The following YAP1 variants were observed in gnomAD, a reference collection of about 807,000 sequenced individuals.
YAP1 encodes Yes1 associated transcriptional regulator.
In YAP1, 5 loss-of-function variants were observed where a neutral mutation model predicts 56.9. The observed-to-expected ratio is 0.09, with a 90% confidence interval of 0.05 to 0.18. The LOEUF (loss-of-function observed/expected upper bound fraction) is 0.18. Ranked by LOEUF, YAP1 falls within the 10% of genes least tolerant of loss-of-function variation. YAP1 has a pLI of 1.00. For synonymous variants in YAP1, 265 were observed against 248.1 expected, an observed-to-expected ratio of 1.07 and a Z score of -0.64; for missense variants, 539 against 651.8, an observed-to-expected ratio of 0.83 and a Z score of 1.88.
At chr11:102,185,895 A>G in intron 3 of YAP1, 123 bp from the exon 4 acceptor site, 4 of 991,614 alleles carry the variant, frequency 4.0e-6, no homozygotes, top group South Asian at 3.8e-5. Context: ...ACAGCCTTAA[A>G]TATGTTTCAA....
At chr11:102,122,816 C>T (rs1943744505) in intron 2 of YAP1, among the ~76,000 whole-genome samples, 1 of 141,534 alleles carries the variant, frequency 7.1e-6, no homozygotes, top group Admixed American at 7.8e-5. Context: ...ATCGTTTGAA[C>T]CTGGGAGGTG....
At chr11:102,134,641 T>C (rs1944566231) in intron 2 of YAP1, among the ~76,000 whole-genome samples, 1 of 152,036 alleles carries the variant, frequency 6.6e-6, no homozygotes, top group South Asian at 2.1e-4. Context: ...CTTAGAAGTC[T>C]TCCACGTACC....
At chr11:102,169,640 A>AT (rs926618183) in intron 3 of YAP1, among the ~76,000 whole-genome samples, 169 of 152,162 alleles carry the variant, frequency 1.1e-3, no homozygotes, top group Middle Eastern at 6.8e-3. Flanking sequence ...AAAAACACTT[A>AT]TTTTTTTTGA....
At chr11:102,140,312 A>G (rs999822661) in intron 2 of YAP1, among the ~76,000 whole-genome samples, 8 of 152,194 alleles carry the variant, frequency 5.3e-5, no homozygotes, top group African/African-American at 1.4e-4. Flanking sequence ...CAAGAAAGCA[A>G]CAATTGATAG....
chr11:102,141,310 G>C (rs1945010919), intron 2 of YAP1, among the ~76,000 whole-genome samples: 1 of 152,160 alleles, frequency 6.6e-6, no homozygotes, highest in Non-Finnish European at 1.5e-5. Flanking sequence ...CTATTTTCGT[G>C]TTCCCAGTCA....
intron 2 of YAP1, among the ~76,000 whole-genome samples, chr11:102,118,992 C>G (rs1044232850): frequency 3.3e-5 from 5 of 151,916 alleles, no homozygotes; most frequent in Non-Finnish European, 5.9e-5. Context: ...AAGTTGCACA[C>G]GTGCACATGT....
intron 8 of YAP1, among the ~76,000 whole-genome samples, chr11:102,228,329 T>C (rs919254163): frequency 1.3e-5 from 2 of 152,156 alleles, no homozygotes; most frequent in Non-Finnish European, 2.9e-5. Flanking sequence ...GGGGCTCACT[T>C]ACTTTGTTAG....
At position 102,206,111 on chromosome 11, in the gene YAP1, G is replaced by T. The variant is rs77810553; in HGVS notation, c.984+37G>T. ...GGTTAGAAACCAGCCTTCCACTTTTGGGGGTTTGTTTTCTTAAAGTTGGGC... is the reference window on the plus strand; with the variant it reads ...GGTTAGAAACCAGCCTTCCACTTTTTGGGGTTTGTTTTCTTAAAGTTGGGC... On this transcript the variant is annotated intron_variant, in intron 5 of 8. Coordinates refer to ENST00000282441, the MANE Select transcript of YAP1 (RefSeq NM_001130145.3). 4,754 of 1,579,614 alleles carry T rather than the reference G, an allele frequency of 3.0e-3. 156 individuals are homozygous for T. In the African/African-American group the frequency reaches 0.059, roughly 20 times the overall value.
At chr11:102,221,357 A>G (rs570728296) in intron 6 of YAP1, among the ~76,000 whole-genome samples, 57 of 152,260 alleles carry the variant, frequency 3.7e-4, no homozygotes, top group African/African-American at 1.3e-3. Flanking sequence ...AAGAAAAGGA[A>G]TTTCATTGAT....
At chr11:102,201,517 T>G (rs1948859681) in intron 4 of YAP1, among the ~76,000 whole-genome samples, 1 of 152,222 alleles carries the variant, frequency 6.6e-6, no homozygotes, top group Non-Finnish European at 1.5e-5. Flanking sequence ...AAGAATAATT[T>G]CAGGTGACTT....
intron 4 of YAP1, among the ~76,000 whole-genome samples, chr11:102,192,432 T>C (rs550206560): frequency 6.6e-6 from 1 of 152,262 alleles, no homozygotes; most frequent in South Asian, 2.1e-4. Flanking sequence ...CCAAAAATCT[T>C]TCTTCAATCT....
Position 102,172,300 on chromosome 11 carries a change from AT to A in YAP1, c.688+9757del, listed in dbSNP as rs752185861. Among the ~76,000 whole-genome samples, 975 of 110,830 alleles carry A rather than the reference AT, an allele frequency of 8.8e-3. 1 individual carries two copies. The highest frequency in any genetic ancestry group is 0.031 in the African/African-American group (727 of 23,572). 72.7% of individuals were successfully genotyped at this position (110,830 alleles called of 152,430 possible). On this transcript the variant is annotated intron_variant, in intron 3 of 8. Transcript: ENST00000282441. ...TAGTGGAAAGGAAGAACAGTGAAGA[AT>A]TTTTTTTTTTTTTTTTTTTTTTTTT...
At chr11:102,161,782 C>A (rs1236073755) in intron 2 of YAP1, among the ~76,000 whole-genome samples, 1 of 152,160 alleles carries the variant, frequency 6.6e-6, no homozygotes, top group Non-Finnish European at 1.5e-5. Context: ...TCTTACATTT[C>A]ATGGTATTTA....
At chr11:102,217,617 A>T (rs1003230527) in intron 6 of YAP1, among the ~76,000 whole-genome samples, 2 of 152,348 alleles carry the variant, frequency 1.3e-5, no homozygotes, top group South Asian at 4.1e-4. Context: ...ATCTACAATG[A>T]CAAAAAGCAG....
At chr11:102,120,355 GAGA>G (rs1267942263) in intron 2 of YAP1, among the ~76,000 whole-genome samples, 2 of 152,214 alleles carry the variant, frequency 1.3e-5, no homozygotes, top group Non-Finnish European at 2.9e-5. Context: ...CTCCTAGCAT[GAGA>G]AGAATCATAA....
chr11:102,150,638 T>C (rs1591240527), intron 2 of YAP1, among the ~76,000 whole-genome samples: 1 of 152,120 alleles, frequency 6.6e-6, no homozygotes, highest in Non-Finnish European at 1.5e-5. Flanking sequence ...TATAGCATTG[T>C]GTATGGCTTA....
At chr11:102,192,731 A>G (rs757755688) in intron 4 of YAP1, among the ~76,000 whole-genome samples, 3 of 152,216 alleles carry the variant, frequency 2.0e-5, no homozygotes, top group Non-Finnish European at 4.4e-5. Context: ...TTACTTCTCA[A>G]TAGCCTTTTT....
At chr11:102,184,291 ATAT>A (rs1030534040) in intron 3 of YAP1, among the ~76,000 whole-genome samples, 3 of 152,214 alleles carry the variant, frequency 2.0e-5, no homozygotes, top group African/African-American at 7.2e-5. Flanking sequence ...CAAACCATTA[ATAT>A]TCAGTTTTGG....
At chr11:102,140,321 A>T (rs1357213941) in intron 2 of YAP1, among the ~76,000 whole-genome samples, 1 of 152,206 alleles carries the variant, frequency 6.6e-6, no homozygotes, top group African/African-American at 2.4e-5. Context: ...AACAATTGAT[A>T]GGAATTATGT....
Sources: allele counts gnomAD v4.1 joint callset (sites outside exome capture counted in the v4.1 genomes callset), GRCh38; gene constraint gnomAD v4.1.1; transcripts MANE v1.5; gene names NCBI Gene and HGNC (gene_info 2026-07-23, HGNC 2026-07-21).